Variants in ZNF90 observed in about 807,000 individuals in gnomAD.
The protein encoded by ZNF90 is zinc finger protein 90, also known as zinc finger protein HTF9.
A neutral mutation model predicts 12.0 loss-of-function variants in ZNF90; 11 were observed. The ratio of observed to expected loss-of-function variants is 0.92; its 90% CI spans 0.58 to 1.52. The LOEUF (loss-of-function observed/expected upper bound fraction) is 1.52. ZNF90 is among the 40% of genes most tolerant of loss of function. The pLI, the probability that ZNF90 is intolerant of heterozygous loss-of-function variation, is 0.00. For missense variants in ZNF90, 765 were observed against 711.5 expected (o/e 1.08, Z -0.86); for synonymous variants, 232 against 240.1 (o/e 0.97, Z 0.31).
intron 1 of ZNF90, among the ~76,000 whole-genome samples, chr19:20,090,908 G>A (rs977717518): frequency 6.6e-6 from 1 of 152,140 alleles, no homozygotes; most frequent in African/African-American, 2.4e-5. Flanking sequence ...AAGACCATTA[G>A]TCCGTTCTAC....
chr19:20,102,588 T>G (rs1482967412), intron 1 of ZNF90, among the ~76,000 whole-genome samples: 1 of 152,200 alleles, frequency 6.6e-6, no homozygotes. Context: ...GATGTTCTCT[T>G]TTTGAGTGCT....
In ZNF90 at chr19:20,078,007, C is replaced by T; in HGVS notation, c.-126C>T. The T allele has an allele frequency of 3.1e-6, 4 of 1,285,336 alleles. No homozygotes were observed. Among genetic ancestry groups the T allele is most frequent in the East Asian group, 2.3e-5 (1 of 43,054 alleles). 79.6% of individuals were successfully genotyped at this position (1,285,336 alleles called of 1,614,324 possible). ...TTTCGGGTTTGGCGCGGCCATTTGTCTCTTGCTGCAGCTGGTGCTCCAAAT... is the reference window on the plus strand; with the variant it reads ...TTTCGGGTTTGGCGCGGCCATTTGTTTCTTGCTGCAGCTGGTGCTCCAAAT... On this transcript the variant is annotated 5_prime_UTR_variant, in exon 1 of 4. Transcript: ENST00000418063.
In ZNF90 at chr19:20,104,349, A is replaced by T; in HGVS notation, c.114A>T (p.Arg38Ser). ...LYRDVMLENY[R>S]HLVFLGIVVT... The stretch of plus-strand genomic sequence containing the variant: ...GGGATGTGATGTTAGAGAACTACAG[A>T]CACCTGGTCTTCCTTGGTGAGGATA... The change falls in exon 2 of 4, where the codon AGA (arginine) becomes AGT (serine). Residue 38 changes from arginine (R) to serine (S), a missense_variant. By Grantham distance (110) the Arg-to-Ser change is moderately radical. Transcript: ENST00000418063. The T allele has an allele frequency of 6.2e-7, 1 of 1,613,718 alleles. No homozygotes were observed. The highest frequency in any genetic ancestry group is 8.5e-7 in the Non-Finnish European group (1 of 1,179,828).
At chr19:20,101,938 C>G (rs1555703943) in intron 1 of ZNF90, among the ~76,000 whole-genome samples, 1 of 152,162 alleles carries the variant, frequency 6.6e-6, no homozygotes, top group East Asian at 1.9e-4. Context: ...AGTCAAGGGT[C>G]TCTGAAAAAT....
At chr19:20,109,219 GT>G (rs1467092901) in intron 3 of ZNF90, among the ~76,000 whole-genome samples, 2 of 152,144 alleles carry the variant, frequency 1.3e-5, no homozygotes, top group Admixed American at 1.3e-4. Context: ...TTGCAATTCT[GT>G]TTGTACACTT....
At position 20,104,194 on chromosome 19, in the gene ZNF90, T is replaced by G. The variant is rs1555704140; in HGVS notation, c.4-45T>G. Reference sequence around the variant, plus strand: ...TAACTCAAATTACAAACTTTGCCCATGACCACTTGGTAAAAATGTGTGTGT... The same window carrying G: ...TAACTCAAATTACAAACTTTGCCCAGGACCACTTGGTAAAAATGTGTGTGT... On this transcript the variant is annotated intron_variant, in intron 1 of 3. Transcript: ENST00000418063. 1.9e-6 allele frequency: 3 copies of G among 1,608,772 alleles called. No individual in the cohort carries two copies. The African/African-American group carries it at 4.0e-5, about 22-fold the overall frequency.
chr19:20,117,261 C>G (rs148960147), intron 3 of ZNF90, among the ~76,000 whole-genome samples: 4,901 of 152,212 alleles, frequency 0.032, 262 homozygotes, highest in African/African-American at 0.11. Flanking sequence ...TCAGGCTGGT[C>G]TCAACCTCCT....
intron 1 of ZNF90, among the ~76,000 whole-genome samples, chr19:20,100,850 T>G (rs1178880448): frequency 5.3e-5 from 8 of 152,074 alleles, no homozygotes; most frequent in Admixed American, 5.2e-4. Context: ...AAATACCAAT[T>G]AGACTAAAAA....
chr19:20,080,052 C>T (rs2088808530), intron 1 of ZNF90: 1 of 328,812 alleles, frequency 3.0e-6, no homozygotes, highest in East Asian at 8.4e-5. Flanking sequence ...TCTCCTGCCT[C>T]AGCCTCCCGA....
intron 2 of ZNF90, 147 bp downstream of exon 2, chr19:20,104,512 A>T (rs2089015344): frequency 6.9e-6 from 7 of 1,011,994 alleles, no homozygotes; most frequent in Non-Finnish European, 8.1e-6. Context: ...TTCTTTTAGA[A>T]GTGAATTTCT....
chr19:20,111,543 G>A (rs901492786), intron 3 of ZNF90, among the ~76,000 whole-genome samples: 1 of 149,098 alleles, frequency 6.7e-6, no homozygotes, highest in African/African-American at 2.6e-5. Context: ...TAAAATGATT[G>A]CTTAAAGAAA....
At chr19:20,115,277 T>C (rs1327511663) in intron 3 of ZNF90, among the ~76,000 whole-genome samples, 1 of 152,152 alleles carries the variant, frequency 6.6e-6, no homozygotes, top group Non-Finnish European at 1.5e-5. Flanking sequence ...AACTTTTTTA[T>C]TGAAAGAATG....
chr19:20,110,261 A>T (rs1047651625), intron 3 of ZNF90, among the ~76,000 whole-genome samples: 1 of 151,994 alleles, frequency 6.6e-6, no homozygotes, highest in South Asian at 2.1e-4. Context: ...TATGTTTTCC[A>T]GGTCCTGTGT....
chr19:20,099,335 G>A (rs1023020968), intron 1 of ZNF90, among the ~76,000 whole-genome samples: 1 of 152,080 alleles, frequency 6.6e-6, no homozygotes. Flanking sequence ...CACTGCACAC[G>A]TTTGAGCAGA....
intron 1 of ZNF90, among the ~76,000 whole-genome samples, chr19:20,100,125 A>T (rs1555703701): frequency 1.3e-5 from 2 of 152,210 alleles, no homozygotes; most frequent in Non-Finnish European, 1.5e-5. Flanking sequence ...CCCAGTACTC[A>T]GCAGAAGAGA....
chr19:20,080,327 A>C lies in ZNF90; in HGVS notation c.3+2192A>C. 6 of 515,590 alleles carry C rather than the reference A, an allele frequency of 1.2e-5. 1 individual carries two copies. The highest frequency in any genetic ancestry group is 9.8e-5 in the South Asian group (6 of 61,522). The allele number at this position is 515,590 out of a possible 1,614,324, so 31.9% of individuals were successfully genotyped here. On this transcript the variant is annotated intron_variant, in intron 1 of 3. Transcript: ENST00000418063. The stretch of plus-strand genomic sequence containing the variant: ...TGGACGATCCTTGTTTTACCAGTAC[A>C]ACACTCTGAGCCACAGGAGAAATTC...
chr19:20,082,017 G>A (rs10426141), intron 1 of ZNF90, among the ~76,000 whole-genome samples: 6,673 of 151,982 alleles, frequency 0.044, 314 homozygotes, highest in African/African-American at 0.12. Context: ...ACCCGCCTCG[G>A]CCTCCTAAAG....
chr19:20,083,328 T>G (rs1212605579), intron 1 of ZNF90, among the ~76,000 whole-genome samples: 1 of 152,058 alleles, frequency 6.6e-6, no homozygotes, highest in East Asian at 1.9e-4. Context: ...TTTTTTTTGT[T>G]TTTTGTTTTG....
intron 3 of ZNF90, among the ~76,000 whole-genome samples, chr19:20,111,072 T>C (rs2089084658): frequency 6.6e-6 from 1 of 152,244 alleles, no homozygotes; most frequent in Admixed American, 6.5e-5. Context: ...TTTAATTTCT[T>C]ATCTAAGAAA....
Sources: allele counts gnomAD v4.1 joint callset (sites outside exome capture counted in the v4.1 genomes callset), GRCh38; gene constraint gnomAD v4.1.1; transcripts MANE v1.5; gene names NCBI Gene and HGNC (gene_info 2026-07-23, HGNC 2026-07-21).